GOLGA4: variants seen among roughly 807,000 people sequenced by gnomAD.
GOLGA4 encodes the protein golgin subfamily A member 4.
Under a neutral mutation model 265.9 loss-of-function variants are expected in GOLGA4, and 169 were observed. The ratio of observed to expected loss-of-function variants is 0.64; its 90% CI spans 0.56 to 0.72. GOLGA4 has a LOEUF of 0.72. Among genes scored for constraint, GOLGA4 ranks in the 30% least tolerant of loss-of-function variants. The pLI, the probability that GOLGA4 is intolerant of heterozygous loss-of-function variation, is 0.00. For missense variants in GOLGA4, 2,482 were observed against 2,483.4 expected, an observed-to-expected ratio of 1.00 and a Z score of 0.01; for synonymous variants, 923 against 855.8, an observed-to-expected ratio of 1.08 and a Z score of -1.37.
At chr3:37,365,814 T>C (rs1696705065) in intron 23 of GOLGA4, among the ~76,000 whole-genome samples, 1 of 149,950 alleles carries the variant, frequency 6.7e-6, no homozygotes, top group African/African-American at 2.5e-5. Context: ...TTTTTTTTTT[T>C]TCAGAATGGG....
chr3:37,287,770 T>C (rs574924545), intron 4 of GOLGA4, among the ~76,000 whole-genome samples: 1 of 152,322 alleles, frequency 6.6e-6, no homozygotes, highest in East Asian at 1.9e-4. Flanking sequence ...TGTTCATGGC[T>C]TTTTTGGGGA....
At chr3:37,318,277 G>T (rs2096943585) in intron 11 of GOLGA4, among the ~76,000 whole-genome samples, 1 of 152,040 alleles carries the variant, frequency 6.6e-6, no homozygotes, top group Admixed American at 6.6e-5. Flanking sequence ...GAACTCCTGG[G>T]CTCAAGCAAT....
rs577289211 is a variant in GOLGA4, at chr3:37,283,675, A to G, written c.477+1403A>G. Reference sequence around the variant, plus strand: ...CAAGTAGCTGGGACTACAGGCGCACACCACCACACCCATCTGATTTTTGTA... The same window carrying G: ...CAAGTAGCTGGGACTACAGGCGCACGCCACCACACCCATCTGATTTTTGTA... On this transcript the variant is annotated intron_variant, in intron 3 of 23. Coordinates refer to ENST00000361924, the MANE Select transcript of GOLGA4 (RefSeq NM_002078.5). Among the ~76,000 whole-genome samples, 741 of 151,946 alleles carry G rather than the reference A, an allele frequency of 4.9e-3. 9 individuals are homozygous for G. Among genetic ancestry groups the G allele is most frequent in the African/African-American group, 0.017 (702 of 41,416 alleles).
At chr3:37,279,756 A>T (rs1019293827) in intron 2 of GOLGA4, among the ~76,000 whole-genome samples, 1 of 152,020 alleles carries the variant, frequency 6.6e-6, no homozygotes, top group African/African-American at 2.4e-5. Context: ...AAAATATAAA[A>T]ATTAGTCTGG....
intron 16 of GOLGA4, 101 bp downstream of exon 16, chr3:37,329,194 A>T: frequency 1.0e-6 from 1 of 1,004,884 alleles, no homozygotes; most frequent in East Asian, 2.5e-5. Context: ...TTTGAACGAA[A>T]AGGGTTTTTT....
rs147933051 is a variant in GOLGA4, at chr3:37,275,948, C to G, written c.163-6010C>G. ...AGATGGGCCATCAACTGAGAAAGAC[C>G]TTGACGAAAAGAAGAAAGAACCTGC... On this transcript the variant is annotated intron_variant, in intron 2 of 23. Coordinates refer to ENST00000361924, the MANE Select transcript of GOLGA4 (RefSeq NM_002078.5). 2,507 of 1,613,482 alleles carry G rather than the reference C, an allele frequency of 1.6e-3. 47 individuals are homozygous for G. In the African/African-American group the frequency reaches 0.03, roughly 19 times the overall value.
At chr3:37,310,210 T>C (rs2096919306) in intron 10 of GOLGA4, among the ~76,000 whole-genome samples, 1 of 152,202 alleles carries the variant, frequency 6.6e-6, no homozygotes, top group African/African-American at 2.4e-5. Context: ...GTTAACCATA[T>C]AGTGAAGTGT....
intron 10 of GOLGA4, 105 bp downstream of exon 10, chr3:37,302,437 C>T (rs747517048): frequency 7.1e-6 from 7 of 990,008 alleles, no homozygotes; most frequent in Non-Finnish European, 8.9e-6. Flanking sequence ...AAATTCTTAA[C>T]TATAGAGGCT....
Position 37,266,862 on chromosome 3 carries a change from A to G in GOLGA4, c.163-15096A>G. On this transcript the variant is annotated intron_variant, in intron 2 of 23. Transcript: ENST00000361924. ...GACAGCTACTAGCCGGGATGATAGC[A>G]GAGCCTGCTTTTCTCTCTGAGTATA... 2.3e-6 allele frequency: 3 copies of G among 1,285,618 alleles called. No individual in the cohort carries two copies. The South Asian group carries it at 3.7e-5, about 16-fold the overall frequency. The allele number at this position is 1,285,618 out of a possible 1,614,324, so 79.6% of individuals were successfully genotyped here. A position where few individuals can be genotyped will look rare whatever the true frequency, so the allele number is the denominator to read the frequency against.
chr3:37,283,560 C>G lies in GOLGA4; in HGVS notation c.477+1288C>G, dbSNP rs1003181547. On this transcript the variant is annotated intron_variant, in intron 3 of 23. Transcript: ENST00000361924. The stretch of plus-strand genomic sequence containing the variant: ...TTGAGACAGGGTCTCACTTTGTTGC[C>G]CAGACTGGAGTGCAGTGGCTCAAAC... Among the ~76,000 whole-genome samples the G allele has an allele frequency of 2.0e-5, 3 of 152,058 alleles. No individual in the cohort carries two copies. In the East Asian group the frequency reaches 5.8e-4, roughly 29 times the overall value.
intron 21 of GOLGA4, among the ~76,000 whole-genome samples, chr3:37,351,341 A>G (rs970147101): frequency 3.9e-5 from 6 of 152,152 alleles, no homozygotes; most frequent in Non-Finnish European, 7.4e-5. Flanking sequence ...TAGCTGCACT[A>G]TATCTACAGC....
intron 1 of GOLGA4, among the ~76,000 whole-genome samples, chr3:37,245,809 C>T (rs1169883240): frequency 6.6e-6 from 1 of 152,060 alleles, no homozygotes; most frequent in African/African-American, 2.4e-5. Flanking sequence ...GGTGATCCGC[C>T]AGCCCCGGCC....
At chr3:37,257,947 ATG>A (rs1448072880) in intron 2 of GOLGA4, among the ~76,000 whole-genome samples, 15 of 110,244 alleles carry the variant, frequency 1.4e-4, no homozygotes, top group Admixed American at 2.0e-4. Flanking sequence ...ATACATATAT[ATG>A]TATGTATATA....
At chr3:37,303,920 C>T (rs903905280) in intron 10 of GOLGA4, among the ~76,000 whole-genome samples, 2 of 152,146 alleles carry the variant, frequency 1.3e-5, no homozygotes, top group Non-Finnish European at 2.9e-5. Context: ...ATACTATTAT[C>T]TTCATTTTAC....
At chr3:37,281,459 A>G (rs2150766736) in intron 2 of GOLGA4, among the ~76,000 whole-genome samples, 1 of 152,296 alleles carries the variant, frequency 6.6e-6, no homozygotes, top group Non-Finnish European at 1.5e-5. Flanking sequence ...GGGAATGATC[A>G]AGAATTACCA....
At position 37,327,654 on chromosome 3, in the gene GOLGA4, C is replaced by A; in HGVS notation, c.5768C>A (p.Ala1923Asp). 1.9e-6 allele frequency: 3 copies of A among 1,613,864 alleles called. No homozygotes were observed. Among genetic ancestry groups the A allele is most frequent in the Non-Finnish European group, 2.5e-6 (3 of 1,179,808 alleles). The change falls in exon 14 of 24, where the codon GCC becomes GAC. Residue 1923 changes from alanine to aspartate, a missense_variant. Transcript: ENST00000361924. The stretch of plus-strand genomic sequence containing the variant: ...CCCAAATTGCTTAGTAACATGGAAG[C>A]CCAGCACAATGATCTGGAGTTTAAA... ...VQPKLLSNME[A>D]QHNDLEFKLA...
intron 2 of GOLGA4, among the ~76,000 whole-genome samples, chr3:37,251,926 C>G (rs369649551): frequency 2.0e-5 from 3 of 152,136 alleles, no homozygotes; most frequent in South Asian, 4.1e-4. Context: ...AAGTGATTCT[C>G]CCAATTATGC....
At chr3:37,300,059 AC>A (rs2096888809) in intron 9 of GOLGA4, among the ~76,000 whole-genome samples, 1 of 152,166 alleles carries the variant, frequency 6.6e-6, no homozygotes, top group Admixed American at 6.5e-5. Context: ...TCTTAAAAAA[AC>A]AACAAACAAA....
Position 37,257,945 on chromosome 3 carries a change from A to G in GOLGA4, c.162+6461A>G, listed in dbSNP as rs1424700412. Among the ~76,000 whole-genome samples, 19 of 116,602 alleles carry G rather than the reference A, an allele frequency of 1.6e-4. 1 individual carries two copies. The highest frequency in any genetic ancestry group is 2.5e-4 in the Non-Finnish European group (15 of 59,270). 76.5% of individuals were successfully genotyped at this position (116,602 alleles called of 152,430 possible). ...TATATATGTATATATACATACATATATATGTATGTATATATGTATATATAC... is the reference window on the plus strand; with the variant it reads ...TATATATGTATATATACATACATATGTATGTATGTATATATGTATATATAC... On this transcript the variant is annotated intron_variant, in intron 2 of 23. Coordinates refer to ENST00000361924, the MANE Select transcript of GOLGA4 (RefSeq NM_002078.5).
Sources: allele counts gnomAD v4.1 joint callset (sites outside exome capture counted in the v4.1 genomes callset), GRCh38; gene constraint gnomAD v4.1.1; transcripts MANE v1.5; gene names NCBI Gene and HGNC (gene_info 2026-07-23, HGNC 2026-07-21).